Variants in CHD9 observed in about 807,000 individuals in gnomAD.
CHD9 encodes chromodomain helicase DNA binding protein 9, also known as ATP-dependent chromatin remodeler CHD9.
CHD9 carries 77 observed loss-of-function variants against 316.1 expected under a neutral mutation model. The observed-to-expected ratio is 0.24, with a 90% CI of 0.20 to 0.29. The LOEUF is 0.29. CHD9 is among the 10% of genes least tolerant of loss of function. CHD9 has a pLI of 1.00. For synonymous variants in CHD9, 1,129 were observed against 1,158.3 expected, an observed-to-expected ratio of 0.97 and a Z score of 0.51; for missense variants, 2,763 against 3,438.1, an observed-to-expected ratio of 0.80 and a Z score of 4.91.
chr16:53,181,900 T>C (rs1169991562), intron 2 of CHD9, among the ~76,000 whole-genome samples: 1 of 152,018 alleles, frequency 6.6e-6, no homozygotes, highest in African/African-American at 2.4e-5. Flanking sequence ...GCCAACATGG[T>C]GAAACCCCAG....
intron 8 of CHD9, among the ~76,000 whole-genome samples, chr16:53,230,816 C>T (rs1243634453): frequency 6.6e-6 from 1 of 151,964 alleles, no homozygotes; most frequent in Non-Finnish European, 1.5e-5. Context: ...AGAGTCTGTA[C>T]GAATTGGTGA....
intron 2 of CHD9, among the ~76,000 whole-genome samples, chr16:53,202,749 G>A (rs147643562): frequency 6.6e-6 from 1 of 151,978 alleles, no homozygotes; most frequent in East Asian, 1.9e-4. Flanking sequence ...CTGTATCAAT[G>A]CAAATTAAGA....
At chr16:53,065,638 T>TAAAAAAAAAAAA (rs68025976) in intron 1 of CHD9, among the ~76,000 whole-genome samples, 2 of 103,410 alleles carry the variant, frequency 1.9e-5, no homozygotes, top group East Asian at 2.8e-4. Flanking sequence ...TGTCTTAAAT[T>TAAAAAAAAAAAA]AAAAAAAAAA....
In CHD9 at chr16:53,163,267, A is replaced by G. The variant is rs114830869; in HGVS notation, c.1452+5726A>G. ...CTTTTGTTGCCCAGGCTAAAGTTCA[A>G]TGATGTGATCTTGGCTCACCACAAC... On this transcript the variant is annotated intron_variant, in intron 2 of 38. Coordinates refer to ENST00000447540, the MANE Select transcript of CHD9 (RefSeq NM_001308319.2). 7.9e-3 allele frequency among the ~76,000 whole-genome samples: 1,207 copies of G among 152,158 alleles called. 12 individuals carry two copies. The highest frequency in any genetic ancestry group is 0.028 in the African/African-American group (1,149 of 41,506).
intron 1 of CHD9, among the ~76,000 whole-genome samples, chr16:53,101,407 T>G (rs1279669208): frequency 6.6e-6 from 1 of 152,040 alleles, no homozygotes; most frequent in Non-Finnish European, 1.5e-5. Context: ...CCTGAGTAGC[T>G]GGGACCACAG....
chr16:53,093,388 C>T (rs59171343), intron 1 of CHD9, among the ~76,000 whole-genome samples: 6,438 of 152,294 alleles, frequency 0.042, 140 homozygotes, highest in African/African-American at 0.07. Flanking sequence ...AAGCACTATG[C>T]GTGGCACATA....
intron 2 of CHD9, among the ~76,000 whole-genome samples, chr16:53,166,726 A>G (rs1359561503): frequency 6.6e-6 from 1 of 152,146 alleles, no homozygotes; most frequent in Non-Finnish European, 1.5e-5. Context: ...GGAAGCATGG[A>G]CTGCAGTTTC....
chr16:53,192,218 A>T (rs990224302), intron 2 of CHD9, among the ~76,000 whole-genome samples: 1 of 152,226 alleles, frequency 6.6e-6, no homozygotes, highest in Non-Finnish European at 1.5e-5. Flanking sequence ...GCAGTAGATT[A>T]TAGAAAGAAG....
chr16:53,126,161 T>TA (rs1182194000), intron 1 of CHD9, among the ~76,000 whole-genome samples: 1 of 152,214 alleles, frequency 6.6e-6, no homozygotes, highest in Non-Finnish European at 1.5e-5. Flanking sequence ...TTTTTCCTCT[T>TA]AGAGTTTTAT....
chr16:53,258,890 A>T (rs1425074011), intron 19 of CHD9, among the ~76,000 whole-genome samples: 1 of 152,206 alleles, frequency 6.6e-6, no homozygotes, highest in Non-Finnish European at 1.5e-5. Flanking sequence ...TGAATTGCTT[A>T]ATTTACAAAG....
At chr16:53,171,406 G>A (rs562367953) in intron 2 of CHD9, among the ~76,000 whole-genome samples, 61 of 152,252 alleles carry the variant, frequency 4.0e-4, no homozygotes, top group Admixed American at 7.2e-4. Context: ...GCAACAGAGC[G>A]AGACTCCGTC....
intron 29 of CHD9, among the ~76,000 whole-genome samples, chr16:53,293,513 G>A (rs1028187760): frequency 6.6e-6 from 1 of 152,008 alleles, no homozygotes; most frequent in Non-Finnish European, 1.5e-5. Context: ...CCACTCGGGA[G>A]ACTAAAGTGG....
intron 1 of CHD9, among the ~76,000 whole-genome samples, chr16:53,060,448 TATTTTAAAA>T (rs969607818): frequency 6.6e-6 from 1 of 152,110 alleles, no homozygotes; most frequent in African/African-American, 2.4e-5. Context: ...ACCTCATTTC[TATTTTAAAA>T]ATTTTAAAAA....
chr16:53,232,406 T>G (rs2048256378), intron 10 of CHD9, among the ~76,000 whole-genome samples: 1 of 152,140 alleles, frequency 6.6e-6, no homozygotes, highest in Admixed American at 6.5e-5. Flanking sequence ...TTTCAAAAAT[T>G]AGAGATGCCT....
rs35052198 is a variant in CHD9, at chr16:53,088,275, C to CTTTT, written c.-165+33201_-165+33202insTTTT. Among the ~76,000 whole-genome samples the CTTTT allele has an allele frequency of 7.3e-3, 928 of 127,028 alleles. 179 individuals carry two copies. The highest frequency in any genetic ancestry group is 9.2e-3 in the Non-Finnish European group (572 of 62,084). The allele number at this position is 127,028 out of a possible 152,430, so 83.3% of individuals were successfully genotyped here. Reference sequence around the variant, plus strand: ...CTGTAATCAAGGAAAATGACATGCACTTTGTTTTTTTTTTTTTTTTGAGAT... The same window carrying CTTTT: ...CTGTAATCAAGGAAAATGACATGCACTTTTTTTGTTTTTTTTTTTTTTTTGAGAT... On this transcript the variant is annotated intron_variant, in intron 1 of 38. Transcript: ENST00000447540.
chr16:53,209,570 G>T lies in CHD9; in HGVS notation c.1541G>T (p.Arg514Ile). The T allele has an allele frequency of 6.2e-7, 1 of 1,613,718 alleles. No homozygotes were observed. Residue 514 changes from arginine (R) to isoleucine (I), a missense_variant, in exon 3 of 39, where the codon AGA (arginine) becomes ATA (isoleucine). By Grantham distance (97) the Arg-to-Ile change is moderately conservative. Coordinates refer to ENST00000447540, the MANE Select transcript of CHD9 (RefSeq NM_001308319.2). ...AGGGTCATGTCTGAGAAGAAGCAGA[G>T]AAAAAAGGTGGAATCAGAAAGCAAG... ...QVRVMSEKKQRKKVESESKQE... is the reference protein window; with the variant it reads ...QVRVMSEKKQIKKVESESKQE...
intron 8 of CHD9, among the ~76,000 whole-genome samples, chr16:53,230,355 C>T (rs915508626): frequency 6.6e-6 from 1 of 152,260 alleles, no homozygotes. Context: ...TATGGTGGCT[C>T]ATGCCGGAAA....
intron 36 of CHD9, 59 bp downstream of exon 36, chr16:53,315,103 A>G (rs1367189535): frequency 4.1e-6 from 5 of 1,208,426 alleles, no homozygotes; most frequent in Non-Finnish European, 5.9e-6. Flanking sequence ...CAGATCTATC[A>G]TGATGAAGCA....
At chr16:53,131,209 C>G (rs1380935755) in intron 1 of CHD9, 1 of 150,880 alleles carries the variant, frequency 6.6e-6, no homozygotes, top group Non-Finnish European at 1.5e-5. Flanking sequence ...GCCGCCCCCG[C>G]CCGGCCAGCC....
Sources: allele counts gnomAD v4.1 joint callset (sites outside exome capture counted in the v4.1 genomes callset), GRCh38; gene constraint gnomAD v4.1.1; transcripts MANE v1.5; gene names NCBI Gene and HGNC (gene_info 2026-07-23, HGNC 2026-07-21).